The following ARPC2 variants were observed in gnomAD, a reference collection of about 807,000 sequenced individuals.
ARPC2 encodes actin related protein 2/3 complex subunit 2.
ARPC2 carries 4 observed loss-of-function variants against 38.6 expected under a neutral mutation model. The observed-to-expected ratio is 0.10, with a 90% CI of 0.05 to 0.24. The LOEUF (loss-of-function observed/expected upper bound fraction) is 0.24, where lower values mean the gene tolerates loss of function less well. ARPC2 is among the 10% of genes least tolerant of loss of function. The pLI, the probability that ARPC2 is intolerant of heterozygous loss-of-function variation, is 1.00. For synonymous variants in ARPC2, 125 were observed against 140.8 expected (o/e 0.89, Z 0.79); for missense variants, 229 against 387.3 (o/e 0.59, Z 3.43).
chr2:218,227,090 A>G (rs1006292769), intron 3 of ARPC2: 2 of 452,084 alleles, frequency 4.4e-6, no homozygotes, highest in Non-Finnish European at 8.9e-6. Flanking sequence ...AAGTGCTGTT[A>G]CCTGGAGGCC....
intron 2 of ARPC2, among the ~76,000 whole-genome samples, chr2:218,223,164 TA>T (rs1173168559): frequency 1.6e-4 from 25 of 152,372 alleles, no homozygotes; most frequent in Non-Finnish European, 1.3e-4. Context: ...CTGAAAATAT[TA>T]AATGGAAAAT....
At chr2:218,243,912 A>T (rs181305252) in intron 7 of ARPC2, among the ~76,000 whole-genome samples, 24 of 152,376 alleles carry the variant, frequency 1.6e-4, no homozygotes, top group Admixed American at 6.5e-4. Context: ...CATTGTGAAT[A>T]CCACATGTAC....
At chr2:218,218,382 T>G (rs1453014483) in intron 2 of ARPC2, among the ~76,000 whole-genome samples, 2 of 151,864 alleles carry the variant, frequency 1.3e-5, no homozygotes, top group Non-Finnish European at 2.9e-5. Context: ...ACGATTGGAC[T>G]TTTTAAAAGA....
At chr2:218,245,776 TTCTTAAA>T (rs1460496337) in intron 8 of ARPC2, among the ~76,000 whole-genome samples, 2 of 152,210 alleles carry the variant, frequency 1.3e-5, no homozygotes, top group African/African-American at 2.4e-5. Context: ...TTCCCCATTT[TTCTTAAA>T]TCTTAAAAAT....
At chr2:218,241,838 A>G (rs1163518098) in intron 7 of ARPC2, among the ~76,000 whole-genome samples, 2 of 152,244 alleles carry the variant, frequency 1.3e-5, no homozygotes, top group Non-Finnish European at 2.9e-5. Context: ...TAGACTCAGG[A>G]AGTCATCTGC....
At chr2:218,238,922 T>C (rs972367607) in intron 6 of ARPC2, 72 bp downstream of exon 6, 10 of 1,253,076 alleles carry the variant, frequency 8.0e-6, no homozygotes, top group Admixed American at 2.3e-5. Context: ...GAAAGAAATA[T>C]GGCTTGGTCA....
rs1043381921 is a variant in ARPC2 at position 218,253,887 on chromosome 2, G to A, written c.879-4G>A. The A allele has an allele frequency of 1.2e-6, 2 of 1,613,826 alleles. No individual in the cohort carries two copies. The highest frequency in any genetic ancestry group is 1.7e-6 in the Non-Finnish European group (2 of 1,179,968). On this transcript the variant is annotated splice_polypyrimidine_tract_variant and splice_region_variant and intron_variant, in intron 10 of 10. Transcript: ENST00000315717. ...GACCTTCGCACTTATCTCTCCTTTT[G>A]AAGGGGGAAGACGTTTTCATCCCGC...
At chr2:218,221,457 A>G (rs549678107) in intron 2 of ARPC2, among the ~76,000 whole-genome samples, 1 of 152,336 alleles carries the variant, frequency 6.6e-6, no homozygotes, top group South Asian at 2.1e-4. Context: ...ACTCAGTAAG[A>G]AGACCTGGTT....
chr2:218,234,681 G>C, intron 5 of ARPC2: 1 of 490,952 alleles, frequency 2.0e-6, no homozygotes, highest in Non-Finnish European at 3.7e-6. Flanking sequence ...GGCCACATTT[G>C]TTTGTTCATG....
chr2:218,222,847 T>C (rs542725246), intron 2 of ARPC2, among the ~76,000 whole-genome samples: 3 of 152,274 alleles, frequency 2.0e-5, no homozygotes, highest in East Asian at 1.9e-4. Flanking sequence ...GGGGTAGATA[T>C]TGAATAAGTA....
intron 2 of ARPC2, among the ~76,000 whole-genome samples, chr2:218,221,484 A>G (rs1689383284): frequency 6.6e-6 from 1 of 152,192 alleles, no homozygotes; most frequent in African/African-American, 2.4e-5. Flanking sequence ...TTTACAGGTC[A>G]CTGTAGTTAA....
Position 218,217,273 on chromosome 2 carries a change from T to TGG in ARPC2, c.-9+20_-9+21insGG. The TGG allele has an allele frequency of 1.8e-6, 1 of 558,984 alleles. No individual in the cohort carries two copies. The highest frequency in any genetic ancestry group is 3.2e-6 in the Non-Finnish European group (1 of 316,804). 34.6% of individuals were successfully genotyped at this position (558,984 alleles called of 1,614,324 possible). ...GGGCCAGGTCGGTTGGGTGGGTGGG[T>TGG]GTCTCCACAGTCTGCGTGCGTGGGC... On this transcript the variant is annotated intron_variant, in intron 1 of 10. Coordinates refer to ENST00000315717, the MANE Select transcript of ARPC2 (RefSeq NM_152862.3).
chr2:218,224,577 G>A (rs1172740687), intron 2 of ARPC2, among the ~76,000 whole-genome samples: 1 of 152,174 alleles, frequency 6.6e-6, no homozygotes, highest in Admixed American at 6.5e-5. Context: ...CAAAATGAAG[G>A]CTCAGAAGCA....
At chr2:218,251,644 G>C (rs532300618) in intron 10 of ARPC2, among the ~76,000 whole-genome samples, 131 of 152,070 alleles carry the variant, frequency 8.6e-4, no homozygotes, top group Admixed American at 1.6e-3. Flanking sequence ...GTAGAGACGG[G>C]ATTTCACCAT....
At chr2:218,227,299 G>C (rs1010412631) in intron 3 of ARPC2, among the ~76,000 whole-genome samples, 3 of 152,212 alleles carry the variant, frequency 2.0e-5, no homozygotes, top group Non-Finnish European at 4.4e-5. Context: ...GAGTCCTATA[G>C]ATTAGAAGCA....
At chr2:218,234,924 A>G (rs907116498) in intron 5 of ARPC2, 6 of 454,118 alleles carry the variant, frequency 1.3e-5, no homozygotes, top group Admixed American at 4.8e-5. Flanking sequence ...TAGAACAGCT[A>G]TGTTATACTG....
At chr2:218,218,688 A>G (rs981761889) in intron 2 of ARPC2, among the ~76,000 whole-genome samples, 1 of 152,236 alleles carries the variant, frequency 6.6e-6, no homozygotes, top group Non-Finnish European at 1.5e-5. Context: ...GAAGATTGGT[A>G]GAGGGGAATT....
chr2:218,227,278 G>A (rs562325804), intron 3 of ARPC2, among the ~76,000 whole-genome samples: 26 of 151,916 alleles, frequency 1.7e-4, no homozygotes, highest in Middle Eastern at 3.4e-3. Flanking sequence ...AGATAGAACC[G>A]AAAAAGAGGG....
chr2:218,240,679 C>G (rs867673953), intron 7 of ARPC2, among the ~76,000 whole-genome samples: 1 of 151,974 alleles, frequency 6.6e-6, no homozygotes, highest in Admixed American at 6.6e-5. Flanking sequence ...ATCACGAGGT[C>G]AAGAGGTCAA....
Sources: gnomAD v4.1 joint callset for allele counts (sites outside exome capture counted in the v4.1 genomes callset) on GRCh38, gnomAD v4.1.1 for gene constraint, MANE v1.5 for transcripts, NCBI Gene and HGNC (gene_info 2026-07-23, HGNC 2026-07-21) for gene names.